The following FAM184B variants were observed in gnomAD, a reference collection of about 807,000 sequenced individuals.
FAM184B encodes the protein family with sequence similarity 184 member B, also known as protein FAM184B.
In FAM184B, 111 loss-of-function variants were observed where a neutral mutation model predicts 135.9. The observed-to-expected ratio is 0.82, with a 90% CI of 0.70 to 0.96. The LOEUF (loss-of-function observed/expected upper bound fraction) is 0.96, where lower values mean the gene tolerates loss of function less well. Ranked by LOEUF, FAM184B falls within the 40% of genes least tolerant of loss-of-function variation. The pLI is 0.00. For missense variants in FAM184B, 1,375 were observed against 1,323.9 expected, an observed-to-expected ratio of 1.04 and a Z score of -0.60; for synonymous variants, 552 against 524.8, an observed-to-expected ratio of 1.05 and a Z score of -0.71.
intron 1 of FAM184B, among the ~76,000 whole-genome samples, chr4:17,727,277 G>C (rs1717663965): frequency 6.6e-6 from 1 of 152,116 alleles, no homozygotes; most frequent in African/African-American, 2.4e-5. Flanking sequence ...AGATGGCACA[G>C]GATGAAGGCT....
At chr4:17,708,823 T>C in intron 2 of FAM184B, 69 bp downstream of exon 2, 5 of 1,440,362 alleles carry the variant, frequency 3.5e-6, no homozygotes, top group Non-Finnish European at 4.6e-6. Context: ...GCCTGATCTA[T>C]AGCAGGTTCA....
At position 17,631,442 on chromosome 4, in the gene FAM184B, G is replaced by A. The variant is rs969493772; in HGVS notation, c.*1090C>T. 9 of 152,204 alleles carry A rather than the reference G, an allele frequency of 5.9e-5. No individual in the cohort carries two copies. Among genetic ancestry groups the A allele is most frequent in the African/African-American group, 2.2e-4 (9 of 41,424 alleles). 9.4% of individuals were successfully genotyped at this position (152,204 alleles called of 1,614,324 possible). ...AGCCTCCCAAAGTGTTGGGATTACA[G>A]GCATGAGCCATGTGCCCAGTCTAGA... is the stretch of plus-strand genomic sequence containing the variant. On this transcript the variant is annotated 3_prime_UTR_variant, in exon 18 of 18. Coordinates refer to ENST00000265018, the MANE Select transcript of FAM184B (RefSeq NM_015688.2).
At position 17,660,071 on chromosome 4, in the gene FAM184B, T is replaced by G. The variant is rs751907087; in HGVS notation, c.1711A>C (p.Lys571Gln). ...GGAGGTTGTGGGTCACTTCCCTCCT[T>G]GAGAAGCACTTTGGTCCTTTGAAGA... The part of the protein sequence containing the change: ...DEEERTKVLL[K>Q]EGSDPQPPLG... Residue 571 changes from lysine to glutamine, a missense_variant, in exon 9 of 18, where the codon AAG becomes CAG. Physicochemically the swap from Lys to Gln is moderately conservative, Grantham distance 53 (BLOSUM62 1). Transcript: ENST00000265018. The G allele has an allele frequency of 6.4e-6, 10 of 1,551,358 alleles. No homozygotes were observed. In the South Asian group the frequency reaches 1.2e-4, roughly 18 times the overall value.
At position 17,715,975 on chromosome 4, in the gene FAM184B, TC is replaced by T. The variant is rs373560153; in HGVS notation, c.142-6332del. On this transcript the variant is annotated intron_variant, in intron 1 of 17. Coordinates refer to ENST00000265018, the MANE Select transcript of FAM184B (RefSeq NM_015688.2). ...TCCATTTCTGCCAGTAAGCCTGAAG[TC>T]TGCTTTTTGCTTATAAATGCAACTA... Among the ~76,000 whole-genome samples the T allele has an allele frequency of 1.6e-3, 247 of 152,288 alleles. 2 individuals carry two copies. The highest frequency in any genetic ancestry group is 5.5e-3 in the African/African-American group (230 of 41,552).
chr4:17,740,090 G>A lies in FAM184B; in HGVS notation c.142-30446C>T, dbSNP rs926179252. On this transcript the variant is annotated intron_variant, in intron 1 of 17. Transcript: ENST00000265018. The stretch of plus-strand genomic sequence containing the variant: ...CTGGCAGCTGGGCGTCATGGTTCAC[G>A]CCTATAATTCTAGCACTTTGGGAGG... Among the ~76,000 whole-genome samples the A allele has an allele frequency of 3.6e-4, 55 of 152,008 alleles. 1 individual carries two copies. Among genetic ancestry groups the A allele is most frequent in the Non-Finnish European group, 1.5e-5 (1 of 68,022 alleles).
intron 1 of FAM184B, among the ~76,000 whole-genome samples, chr4:17,726,853 C>T (rs1441689156): frequency 6.6e-6 from 1 of 152,150 alleles, no homozygotes; most frequent in African/African-American, 2.4e-5. Context: ...ACAAAAGCTC[C>T]AAAGCTAACT....
intron 11 of FAM184B, among the ~76,000 whole-genome samples, chr4:17,652,146 T>TTTTTTTTGG (rs762642185): frequency 1.5e-5 from 2 of 131,934 alleles, no homozygotes; most frequent in Admixed American, 8.4e-5. Flanking sequence ...TTTTTTTTTT[T>TTTTTTTTGG]TTGAGTCTTG....
intron 14 of FAM184B, among the ~76,000 whole-genome samples, chr4:17,637,107 ACCT>A (rs1715166867): frequency 6.6e-6 from 1 of 151,588 alleles, no homozygotes. Flanking sequence ...GCTCTCTGCA[ACCT>A]CCGCCTCCCT....
In FAM184B at chr4:17,781,200, T is replaced by C; in HGVS notation, c.100A>G (p.Met34Val). 6.4e-7 allele frequency: 1 copy of C among 1,550,466 alleles called. No homozygotes were observed. Among genetic ancestry groups the C allele is most frequent in the Non-Finnish European group, 8.7e-7 (1 of 1,146,480 alleles). The stretch of plus-strand genomic sequence containing the variant: ...ATCTTCTTGCACATTTTCACGTGCA[T>C]CTGGGGATCACAGTCCATTCTCCAG... Reference protein sequence around the residue: ...AGWRMDCDPQMHVKMCKKIAQ... With the variant: ...AGWRMDCDPQVHVKMCKKIAQ... The change falls in exon 1 of 18, where the codon ATG becomes GTG. Residue 34 changes from methionine (M) to valine (V), a missense_variant. Coordinates refer to ENST00000265018, the MANE Select transcript of FAM184B (RefSeq NM_015688.2). The surrounding 1 kb of genome is among the most constrained non-coding windows in gnomAD (Gnocchi z 6.5).
At chr4:17,655,844 C>G (rs1410507494) in intron 10 of FAM184B, among the ~76,000 whole-genome samples, 1 of 152,190 alleles carries the variant, frequency 6.6e-6, no homozygotes, top group Non-Finnish European at 1.5e-5. Context: ...ATGCACTGTT[C>G]TAAGTACTTT....
chr4:17,733,582 G>T (rs1388535082), intron 1 of FAM184B, among the ~76,000 whole-genome samples: 1 of 152,106 alleles, frequency 6.6e-6, no homozygotes, highest in Non-Finnish European at 1.5e-5. Flanking sequence ...ATTCACAATT[G>T]CTTCAAAGAG....
chr4:17,728,969 G>A (rs547465897), intron 1 of FAM184B, among the ~76,000 whole-genome samples: 32 of 152,278 alleles, frequency 2.1e-4, no homozygotes, highest in African/African-American at 4.6e-4. Context: ...CTCGGGAAGC[G>A]CAAGGGGTCA....
At position 17,632,394 on chromosome 4, in the gene FAM184B, C is replaced by T. The variant is rs1384756475; in HGVS notation, c.*138G>A. On this transcript the variant is annotated 3_prime_UTR_variant, in exon 18 of 18. Coordinates refer to ENST00000265018, the MANE Select transcript of FAM184B (RefSeq NM_015688.2). ...CTGGCAGAACAGTATGAAGTGTTAACGCCAAAATTTGTTTTAGCTATCATA... is the reference window on the plus strand; with the variant it reads ...CTGGCAGAACAGTATGAAGTGTTAATGCCAAAATTTGTTTTAGCTATCATA... 1.8e-5 allele frequency: 12 copies of T among 663,334 alleles called. No homozygotes were observed. Among genetic ancestry groups the T allele is most frequent in the African/African-American group, 7.3e-5 (4 of 54,702 alleles). 41.1% of individuals were successfully genotyped at this position (663,334 alleles called of 1,614,324 possible).
At chr4:17,713,010 C>A (rs1163042899) in intron 1 of FAM184B, among the ~76,000 whole-genome samples, 1 of 152,106 alleles carries the variant, frequency 6.6e-6, no homozygotes, top group Non-Finnish European at 1.5e-5. Flanking sequence ...AACGTATAAC[C>A]ACGACACAGC....
At chr4:17,668,308 T>C (rs1253801779) in intron 7 of FAM184B, among the ~76,000 whole-genome samples, 1 of 152,248 alleles carries the variant, frequency 6.6e-6, no homozygotes, top group East Asian at 1.9e-4. Context: ...GGTCAGTTCC[T>C]AAATTTAATC....
At chr4:17,635,670 T>C (rs994635334) in intron 15 of FAM184B, among the ~76,000 whole-genome samples, 4 of 93,544 alleles carry the variant, frequency 4.3e-5, no homozygotes, top group Non-Finnish European at 8.1e-5. Flanking sequence ...AAATAAGGAT[T>C]ACTTTAAAAA....
chr4:17,777,745 G>A (rs770082371), intron 1 of FAM184B, among the ~76,000 whole-genome samples: 3 of 152,182 alleles, frequency 2.0e-5, no homozygotes, highest in Non-Finnish European at 2.9e-5. Flanking sequence ...TAATGGTAGT[G>A]CCAGAAAAGA....
intron 1 of FAM184B, among the ~76,000 whole-genome samples, chr4:17,776,607 G>A (rs753163947): frequency 3.7e-4 from 56 of 152,120 alleles, no homozygotes; most frequent in Non-Finnish European, 6.3e-4. Context: ...GGTCAGGCTG[G>A]TCTCAAACTC....
intron 1 of FAM184B, among the ~76,000 whole-genome samples, chr4:17,775,553 C>T (rs1718909300): frequency 6.6e-6 from 1 of 152,156 alleles, no homozygotes; most frequent in African/African-American, 2.4e-5. Context: ...AATAGAAACA[C>T]TTTTATCTTC....
Sources: allele counts gnomAD v4.1 joint callset (sites outside exome capture counted in the v4.1 genomes callset), GRCh38; gene constraint gnomAD v4.1.1; non-coding constraint Gnocchi (gnomAD v3.1); transcripts MANE v1.5; gene names NCBI Gene and HGNC (gene_info 2026-07-23, HGNC 2026-07-21).